Variants in ZCCHC2 observed in about 807,000 individuals in gnomAD.
ZCCHC2 encodes zinc finger CCHC domain-containing protein 2.
ZCCHC2 carries 39 observed loss-of-function variants against 103.6 expected under a neutral mutation model. That is an observed-to-expected ratio of 0.38 (90% CI 0.29 to 0.49). The LOEUF (loss-of-function observed/expected upper bound fraction) is 0.49, where lower values mean the gene tolerates loss of function less well. Ranked by LOEUF, ZCCHC2 falls within the 20% of genes least tolerant of loss-of-function variation. ZCCHC2 has a pLI of 0.96. For synonymous variants in ZCCHC2, 687 were observed against 608.9 expected (o/e 1.13, Z -1.89); for missense variants, 1,483 against 1,491.0 (o/e 0.99, Z 0.09).
intron 11 of ZCCHC2, among the ~76,000 whole-genome samples, chr18:62,565,728 T>C (rs1475361908): frequency 6.6e-6 from 1 of 152,214 alleles, no homozygotes; most frequent in African/African-American, 2.4e-5. Flanking sequence ...CGCAGACCTC[T>C]AGGAGAATAT....
chr18:62,523,376 G>GGGGGGGGGCC lies in ZCCHC2; in HGVS notation c.-49_-48insGGGGGGGGCC. 97 of 1,012,162 alleles carry GGGGGGGGGCC rather than the reference G, an allele frequency of 9.6e-5. No individual in the cohort carries two copies. The highest frequency in any genetic ancestry group is 1.1e-4 in the Non-Finnish European group (93 of 848,820). 62.7% of individuals were successfully genotyped at this position (1,012,162 alleles called of 1,614,324 possible). On this transcript the variant is annotated 5_prime_UTR_variant, in exon 1 of 14. Transcript: ENST00000269499. The stretch of plus-strand genomic sequence containing the variant: ...GCCTCGGCCCGTGCTCCACCTCGCG[G>GGGGGGGGGCC]CCCCTCCCGCCCGCCCCCGCTCGCA...
intron 7 of ZCCHC2, 28 bp from the exon 8 acceptor site, chr18:62,560,559 T>C (rs1008718408): frequency 1.2e-6 from 2 of 1,604,402 alleles, no homozygotes; most frequent in South Asian, 2.2e-5. Context: ...GCATTTAGTG[T>C]AATAAGTTAC....
chr18:62,526,638 G>A (rs1011515233), intron 1 of ZCCHC2, among the ~76,000 whole-genome samples: 2 of 151,934 alleles, frequency 1.3e-5, no homozygotes, highest in Non-Finnish European at 2.9e-5. Context: ...GCGCACCCGG[G>A]GAGGGCGGGC....
chr18:62,524,236 C>T lies in ZCCHC2; in HGVS notation c.812C>T (p.Ala271Val), dbSNP rs1914231241. The T allele has an allele frequency of 6.5e-7, 1 of 1,550,176 alleles. No homozygotes were observed. Among genetic ancestry groups the T allele is most frequent in the Non-Finnish European group, 8.7e-7 (1 of 1,146,714 alleles). ...TTCACCATGGCCTCGCTGCACCCGGCTTTCTCCTTCCACCAGCGGGTCACC... is the reference window on the plus strand; with the variant it reads ...TTCACCATGGCCTCGCTGCACCCGGTTTTCTCCTTCCACCAGCGGGTCACC... ...LLFTMASLHP[A>V]FSFHQRVTLR... The change falls in exon 1 of 14, where the codon GCT (alanine) becomes GTT (valine). Residue 271 changes from alanine (A) to valine (V), a missense_variant. Physicochemically the swap from Ala to Val is moderately conservative, Grantham distance 64. Coordinates refer to ENST00000269499, the MANE Select transcript of ZCCHC2 (RefSeq NM_017742.6).
Position 62,523,379 on chromosome 18 carries a change from C to A in ZCCHC2, c.-46C>A. On this transcript the variant is annotated 5_prime_UTR_variant, in exon 1 of 14. Transcript: ENST00000269499. ...TCGGCCCGTGCTCCACCTCGCGGCC[C>A]CTCCCGCCCGCCCCCGCTCGCATGT... The A allele has an allele frequency of 8.1e-6, 2 of 245,502 alleles. No homozygotes were observed. Among genetic ancestry groups the A allele is most frequent in the South Asian group, 8.7e-5 (1 of 11,468 alleles). The allele number at this position is 245,502 out of a possible 1,614,324, so 15.2% of individuals were successfully genotyped here. A position where few individuals can be genotyped will look rare whatever the true frequency, so the allele number is the denominator to read the frequency against.
chr18:62,586,590 T>A (rs1382802120), exon 15 of ZCCHC2: 2 of 152,058 alleles, frequency 1.3e-5, no homozygotes, highest in Non-Finnish European at 2.9e-5. Flanking sequence ...CCAAGGGGCA[T>A]CAACCCACCA....
chr18:62,538,694 A>G (rs1915039016), intron 1 of ZCCHC2, among the ~76,000 whole-genome samples: 1 of 152,206 alleles, frequency 6.6e-6, no homozygotes, highest in South Asian at 2.1e-4. Context: ...CCAAAAGTAT[A>G]TAATGTGCTC....
chr18:62,549,148 G>A (rs1019653113), intron 4 of ZCCHC2, among the ~76,000 whole-genome samples: 3 of 152,158 alleles, frequency 2.0e-5, no homozygotes, highest in African/African-American at 7.2e-5. Flanking sequence ...GAACCCGGGA[G>A]GTGGAGCTTG....
intron 1 of ZCCHC2, among the ~76,000 whole-genome samples, chr18:62,527,795 G>A (rs1019538076): frequency 6.6e-6 from 1 of 152,110 alleles, no homozygotes; most frequent in Non-Finnish European, 1.5e-5. Context: ...TTTAAAATGG[G>A]TGTCTTCCTA....
At chr18:62,583,814 G>T (rs1917096938) in intron 14 of ZCCHC2, among the ~76,000 whole-genome samples, 1 of 152,100 alleles carries the variant, frequency 6.6e-6, no homozygotes, top group South Asian at 2.1e-4. Context: ...CTCTTTAGGG[G>T]AGGAGACCAG....
chr18:62,556,659 T>TC (rs373272867), intron 6 of ZCCHC2, among the ~76,000 whole-genome samples: 1,560 of 152,242 alleles, frequency 0.01, 28 homozygotes, highest in African/African-American at 0.035. Context: ...AATTGACCTT[T>TC]CCAGCCGATC....
chr18:62,576,251 C>A (rs1450613263), intron 13 of ZCCHC2, among the ~76,000 whole-genome samples: 2 of 152,096 alleles, frequency 1.3e-5, no homozygotes, highest in Non-Finnish European at 2.9e-5. Context: ...CCAAATCTTA[C>A]CCAGAAACAA....
chr18:62,539,325 G>C (rs1018939422), intron 1 of ZCCHC2, among the ~76,000 whole-genome samples: 3 of 152,194 alleles, frequency 2.0e-5, no homozygotes, highest in African/African-American at 7.2e-5. Flanking sequence ...TAAAAATGGT[G>C]TAGTGATTCT....
chr18:62,560,779 G>T, intron 8 of ZCCHC2, 135 bp downstream of exon 8: 3 of 688,190 alleles, frequency 4.4e-6, no homozygotes, highest in East Asian at 3.0e-5. Flanking sequence ...CACTTTTTCT[G>T]TTTCCTTTTC....
chr18:62,572,734 C>A (rs5009257), intron 12 of ZCCHC2, among the ~76,000 whole-genome samples: 50,195 of 152,034 alleles, frequency 0.33, 9,031 homozygotes, highest in African/African-American at 0.44. Context: ...CATTAAAAAT[C>A]ATGAGGCCAT....
At chr18:62,534,528 A>T (rs1232052305) in intron 1 of ZCCHC2, among the ~76,000 whole-genome samples, 1 of 152,168 alleles carries the variant, frequency 6.6e-6, no homozygotes, top group Non-Finnish European at 1.5e-5. Context: ...TGTGAGTCAG[A>T]TGTAGAATTG....
intron 1 of ZCCHC2, 123 bp from the exon 2 acceptor site, chr18:62,539,558 C>T (rs1410077056): frequency 7.5e-6 from 5 of 668,394 alleles, no homozygotes; most frequent in Non-Finnish European, 1.3e-5. Context: ...AGTGTGCAGT[C>T]ACCTATTGGA....
intron 13 of ZCCHC2, 147 bp downstream of exon 13, chr18:62,575,697 G>A (rs1916814439): frequency 2.9e-6 from 3 of 1,046,916 alleles, no homozygotes; most frequent in Non-Finnish European, 4.1e-6. Context: ...ATCATAAAAT[G>A]CAACTGGAAA....
In ZCCHC2 at chr18:62,556,416, T is replaced by G. The variant is rs931683067; in HGVS notation, c.1408+119T>G. On this transcript the variant is annotated intron_variant, in intron 6 of 13. Coordinates refer to ENST00000269499, the MANE Select transcript of ZCCHC2 (RefSeq NM_017742.6). ...AAAGTTAAGGAATAGTGACATACAT[T>G]TTTAATGTCATTTTTAATGAGTTTT... 1.4e-5 allele frequency: 10 copies of G among 731,818 alleles called. No individual in the cohort carries two copies. In the African/African-American group the frequency reaches 1.6e-4, roughly 12 times the overall value. The allele number at this position is 731,818 out of a possible 1,614,324, so 45.3% of individuals were successfully genotyped here.
Sources: gnomAD v4.1 joint callset for allele counts (sites outside exome capture counted in the v4.1 genomes callset) on GRCh38, gnomAD v4.1.1 for gene constraint, MANE v1.5 for transcripts, NCBI Gene and HGNC (gene_info 2026-07-23, HGNC 2026-07-21) for gene names.